The following OTUD7B variants were observed in gnomAD, a reference collection of about 807,000 sequenced individuals.
The protein encoded by OTUD7B is OTU deubiquitinase 7B.
In OTUD7B, 34 loss-of-function variants were observed where a neutral mutation model predicts 82.2. The ratio of observed to expected loss-of-function variants is 0.41; its 90% confidence interval spans 0.31 to 0.55. The LOEUF (loss-of-function observed/expected upper bound fraction) is 0.55. OTUD7B is among the 20% of genes least tolerant of loss of function. OTUD7B has a pLI of 0.20. For synonymous variants in OTUD7B, 398 were observed against 402.7 expected (o/e 0.99, Z 0.14); for missense variants, 944 against 1,062.1 (o/e 0.89, Z 1.55).
chr1:150,035,475 T>C, the OTUD7B span, among the ~76,000 whole-genome samples: 1 of 152,186 alleles, frequency 6.6e-6, no homozygotes, highest in Non-Finnish European at 1.5e-5. Flanking sequence ...TTAGAGCATC[T>C]AATGTCCTCT....
the OTUD7B span, among the ~76,000 whole-genome samples, chr1:150,027,276 T>C: frequency 2.0e-5 from 3 of 152,108 alleles, no homozygotes; most frequent in Non-Finnish European, 2.9e-5. Flanking sequence ...TAAATAATTA[T>C]AATACCATGC....
chr1:150,014,076 G>A (rs1262046788), upstream of OTUD7B, among the ~76,000 whole-genome samples: 1 of 28,806 alleles, frequency 3.5e-5, no homozygotes, highest in African/African-American at 1.3e-4. Context: ...GTGTGTGTGT[G>A]TGTGTGTGTA....
the OTUD7B span, among the ~76,000 whole-genome samples, chr1:150,052,320 C>T: frequency 0.11 from 16,144 of 152,124 alleles, 1,204 homozygotes; most frequent in Non-Finnish European, 0.17. Context: ...TCAGCAAAGT[C>T]GCAGGATGTA....
chr1:149,959,848 G>A (rs782266562), intron 6 of OTUD7B, 52 bp from the exon 7 acceptor site: 5 of 1,142,186 alleles, frequency 4.4e-6, no homozygotes, highest in Admixed American at 1.7e-5. Flanking sequence ...TGGGTTCTAA[G>A]AGGCAATACC....
upstream of OTUD7B, among the ~76,000 whole-genome samples, chr1:150,013,018 T>C (rs1553787795): frequency 6.6e-6 from 1 of 152,234 alleles, no homozygotes; most frequent in East Asian, 1.9e-4. Flanking sequence ...TATGCAGCCA[T>C]TTAGGCTGGC....
At chr1:149,995,828 C>T (rs1194471203) in intron 1 of OTUD7B, among the ~76,000 whole-genome samples, 1 of 152,124 alleles carries the variant, frequency 6.6e-6, no homozygotes, top group Non-Finnish European at 1.5e-5. Flanking sequence ...TAATCTAAAA[C>T]AAGTCCTCTC....
intron 7 of OTUD7B, among the ~76,000 whole-genome samples, chr1:149,953,903 C>A (rs951619106): frequency 6.6e-6 from 1 of 152,118 alleles, no homozygotes. Context: ...GATTTTGTAT[C>A]CTGAGACTGC....
At chr1:149,962,196 G>C (rs1417313965) in intron 6 of OTUD7B, 4 of 152,142 alleles carry the variant, frequency 2.6e-5, no homozygotes, top group Non-Finnish European at 5.9e-5. Context: ...GCCGGTTTCT[G>C]CTTCCTGTTT....
At chr1:149,988,416 T>C (rs1161521425) in intron 1 of OTUD7B, among the ~76,000 whole-genome samples, 1 of 152,114 alleles carries the variant, frequency 6.6e-6, no homozygotes, top group Non-Finnish European at 1.5e-5. Flanking sequence ...AGGCCTGATA[T>C]AAAACTCCAA....
chr1:150,002,431 C>A (rs1436785778), intron 1 of OTUD7B, among the ~76,000 whole-genome samples: 1 of 152,186 alleles, frequency 6.6e-6, no homozygotes, highest in Non-Finnish European at 1.5e-5. Context: ...CAGTCCAGGG[C>A]ACCGAACTGC....
chr1:149,978,239 G>C (rs1472454951), intron 1 of OTUD7B, among the ~76,000 whole-genome samples: 1 of 152,214 alleles, frequency 6.6e-6, no homozygotes, highest in African/African-American at 2.4e-5. Context: ...AGGTGCGGTG[G>C]CTCACGCCTT....
chr1:150,021,436 A>G, the OTUD7B span, among the ~76,000 whole-genome samples: 1 of 152,316 alleles, frequency 6.6e-6, no homozygotes. Flanking sequence ...ATTAATCTGG[A>G]AAAACGAGAT....
the OTUD7B span, among the ~76,000 whole-genome samples, chr1:150,019,386 G>T: frequency 6.6e-6 from 1 of 151,150 alleles, no homozygotes; most frequent in Admixed American, 6.6e-5. Flanking sequence ...TGTTTGTTTG[G>T]AGACAGGGTC....
chr1:149,982,644 T>G (rs892629273), intron 1 of OTUD7B, among the ~76,000 whole-genome samples: 1 of 151,638 alleles, frequency 6.6e-6, no homozygotes, highest in Non-Finnish European at 1.5e-5. Flanking sequence ...CCTGAGCAAT[T>G]TCAGTATCCA....
chr1:149,959,103 T>C (rs953884293), intron 7 of OTUD7B, among the ~76,000 whole-genome samples: 10 of 151,436 alleles, frequency 6.6e-5, no homozygotes, highest in African/African-American at 2.4e-4. Context: ...GCATCTGTAG[T>C]CCCAGCTACT....
chr1:150,022,557 G>A, the OTUD7B span, among the ~76,000 whole-genome samples: 2 of 152,096 alleles, frequency 1.3e-5, no homozygotes, highest in Non-Finnish European at 2.9e-5. Flanking sequence ...ACGGCTTCAG[G>A]GTGTGTTTCC....
At chr1:150,017,092 C>A in the OTUD7B span, among the ~76,000 whole-genome samples, 1 of 152,198 alleles carries the variant, frequency 6.6e-6, no homozygotes, top group African/African-American at 2.4e-5. Flanking sequence ...AAGTGAACCG[C>A]TTAATCAATT....
At chr1:150,053,466 G>A in the OTUD7B span, among the ~76,000 whole-genome samples, 6 of 150,378 alleles carry the variant, frequency 4.0e-5, no homozygotes, top group African/African-American at 1.2e-4. Context: ...GCACACTCTC[G>A]GCTCACCGCA....
At chr1:149,950,731 A>C (rs1553773187) in intron 7 of OTUD7B, among the ~76,000 whole-genome samples, 2 of 151,542 alleles carry the variant, frequency 1.3e-5, no homozygotes, top group African/African-American at 4.9e-5. Context: ...TTGTGCTTTT[A>C]TCTCTCACCT....
Sources: allele counts gnomAD v4.1 joint callset (sites outside exome capture counted in the v4.1 genomes callset), GRCh38; gene constraint gnomAD v4.1.1; transcripts MANE v1.5; gene names NCBI Gene and HGNC (gene_info 2026-07-23, HGNC 2026-07-21).